The following TRIM66 variants were observed in gnomAD, a reference collection of about 807,000 sequenced individuals.
TRIM66 encodes the protein tripartite motif-containing protein 66.
TRIM66 carries 99 observed loss-of-function variants against 148.2 expected under a neutral mutation model. That is an observed-to-expected ratio of 0.67 (90% CI 0.57 to 0.79). TRIM66 has a LOEUF of 0.79. Ranked by LOEUF, TRIM66 falls within the 30% of genes least tolerant of loss-of-function variation. TRIM66 has a pLI of 0.00. For missense variants in TRIM66, 1,666 were observed against 1,697.9 expected, an observed-to-expected ratio of 0.98 and a Z score of 0.33; for synonymous variants, 616 against 635.9, an observed-to-expected ratio of 0.97 and a Z score of 0.47.
At chr11:8,638,944 A>G in intron 14 of TRIM66, 129 bp from the exon 15 acceptor site, 1 of 964,546 alleles carries the variant, frequency 1.0e-6, no homozygotes. Context: ...GGACTGCTTA[A>G]ACGTTTTCCA....
chr11:8,674,873 C>G lies in TRIM66; in HGVS notation c.-179G>C, dbSNP rs1349702352. The G allele has an allele frequency of 6.6e-6, 1 of 152,188 alleles. No homozygotes were observed. Among genetic ancestry groups the G allele is most frequent in the Non-Finnish European group, 1.5e-5 (1 of 68,038 alleles). 9.4% of individuals were successfully genotyped at this position (152,188 alleles called of 1,614,324 possible). ...TATATGAGGAAAATCCAGTCTCACACAGACATACAGCTGGAAAAGATAGGA... is the reference window on the plus strand; with the variant it reads ...TATATGAGGAAAATCCAGTCTCACAGAGACATACAGCTGGAAAAGATAGGA... On this transcript the variant is annotated 5_prime_UTR_variant, in exon 4 of 25. Transcript: ENST00000646038.
intron 4 of TRIM66, among the ~76,000 whole-genome samples, chr11:8,673,066 A>G (rs2039017227): frequency 1.3e-5 from 2 of 151,160 alleles, no homozygotes; most frequent in Non-Finnish European, 2.9e-5. Context: ...CAGCCTCCCG[A>G]GTAGCTGGGA....
chr11:8,621,556 G>C, intron 19 of TRIM66, 89 bp downstream of exon 19: 2 of 1,421,092 alleles, frequency 1.4e-6, no homozygotes, highest in Non-Finnish European at 1.9e-6. Context: ...ACTCAGGAAA[G>C]GTCCCAGAGT....
At position 8,620,384 on chromosome 11, in the gene TRIM66, C is replaced by T. The variant is rs1201536899; in HGVS notation, c.3672+62G>A. ...CTCATCCCCTCTCAAAGGCCTCAGA[C>T]CCTGTAGGCAGAAGGGGGCTGCCAA... is the stretch of plus-strand genomic sequence containing the variant. On this transcript the variant is annotated intron_variant, in intron 21 of 24. Transcript: ENST00000646038. The T allele has an allele frequency of 1.0e-5, 16 of 1,544,800 alleles. No individual in the cohort carries two copies. The South Asian group carries it at 1.7e-4, about 16-fold the overall frequency.
chr11:8,661,988 C>G (rs1019183088), intron 6 of TRIM66, among the ~76,000 whole-genome samples: 2 of 152,202 alleles, frequency 1.3e-5, no homozygotes, highest in Non-Finnish European at 2.9e-5. Flanking sequence ...GAATTGCTCT[C>G]CCAGTAATGG....
intron 11 of TRIM66, 24 bp from the exon 12 acceptor site, chr11:8,645,911 T>C: frequency 6.5e-7 from 1 of 1,549,672 alleles, no homozygotes; most frequent in Non-Finnish European, 8.7e-7. Flanking sequence ...GAAGACAGAG[T>C]CCTTGATCCT....
At chr11:8,678,417 T>C (rs915708669) in intron 3 of TRIM66, among the ~76,000 whole-genome samples, 1 of 152,230 alleles carries the variant, frequency 6.6e-6, no homozygotes, top group Non-Finnish European at 1.5e-5. Flanking sequence ...AGGATTTGTA[T>C]ACTATGATCA....
chr11:8,618,940 C>A lies in TRIM66; in HGVS notation c.3929G>T (p.Arg1310Leu). The A allele has an allele frequency of 8.4e-6, 13 of 1,551,374 alleles. No individual in the cohort carries two copies. Among genetic ancestry groups the A allele is most frequent in the Non-Finnish European group, 1.1e-5 (13 of 1,146,948 alleles). ...YPDSEVAEAGRCLEVFFEGWL... is the reference protein window; with the variant it reads ...YPDSEVAEAGLCLEVFFEGWL... ...GCCCTCAAAGAACACTTCCAGGCAG[C>A]GGCCAGCCTCTGCAACCTCGGAGTC... Residue 1310 changes from arginine (R) to leucine (L), a missense_variant, in exon 24 of 25, where the codon CGC (arginine) becomes CTC (leucine). By Grantham distance (102) the Arg-to-Leu change is moderately radical. Transcript: ENST00000646038.
chr11:8,650,209 C>T (rs2037235754), intron 7 of TRIM66, among the ~76,000 whole-genome samples: 2 of 151,932 alleles, frequency 1.3e-5, no homozygotes, highest in African/African-American at 4.8e-5. Context: ...CCCATCTCTA[C>T]AAAAAATACA....
intron 15 of TRIM66, among the ~76,000 whole-genome samples, chr11:8,629,713 G>T (rs1045232555): frequency 2.6e-5 from 4 of 152,156 alleles, no homozygotes; most frequent in Non-Finnish European, 5.9e-5. Flanking sequence ...ACCTGGTCCC[G>T]TAATGCCCAG....
intron 4 of TRIM66, among the ~76,000 whole-genome samples, chr11:8,673,858 T>G (rs2039058382): frequency 1.3e-5 from 2 of 152,344 alleles, no homozygotes; most frequent in South Asian, 4.1e-4. Flanking sequence ...TTGGTAATTA[T>G]GCAAGTTTGA....
chr11:8,620,308 C>T (rs2034082993), intron 21 of TRIM66, 138 bp downstream of exon 21: 2 of 1,415,164 alleles, frequency 1.4e-6, no homozygotes, highest in Non-Finnish European at 9.5e-7. Flanking sequence ...TCCAAACACC[C>T]CTGGGCCAAG....
In TRIM66 at chr11:8,624,453, T is replaced by C; in HGVS notation, c.2925A>G (p.Glu975=). 1.3e-6 allele frequency: 2 copies of C among 1,551,612 alleles called. No individual in the cohort carries two copies. Among genetic ancestry groups the C allele is most frequent in the Admixed American group, 3.9e-5 (2 of 51,002 alleles). The part of the protein sequence containing the change: ...DAPKDLAIPS[E]LEEPINLSVK... ...CAGAGAGGTTAATTGGCTCCTCCAG[T>C]TCTGAGGGGATGGCCAAGTCCTTGG... The change falls in exon 17 of 25, where the codon GAA becomes GAG. Residue 975 remains glutamate (E), a synonymous_variant. Transcript: ENST00000646038.
intron 15 of TRIM66, among the ~76,000 whole-genome samples, chr11:8,634,686 G>A (rs2035723205): frequency 6.6e-6 from 1 of 152,134 alleles, no homozygotes; most frequent in African/African-American, 2.4e-5. Context: ...TTCAAAAGGG[G>A]TTGCAGAGCT....
chr11:8,652,000 T>C (rs1245866458), intron 6 of TRIM66, 97 bp from the exon 7 acceptor site: 11 of 945,446 alleles, frequency 1.2e-5, no homozygotes, highest in African/African-American at 3.3e-5. Flanking sequence ...CCAAGATACA[T>C]GGCAATACCC....
intron 15 of TRIM66, among the ~76,000 whole-genome samples, chr11:8,630,998 T>A (rs1291088683): frequency 6.6e-6 from 1 of 152,184 alleles, no homozygotes; most frequent in Non-Finnish European, 1.5e-5. Context: ...CCCAGATGTG[T>A]TTCTAGAGTT....
chr11:8,645,535 A>C (rs1294009314), intron 12 of TRIM66, among the ~76,000 whole-genome samples: 3 of 152,216 alleles, frequency 2.0e-5, no homozygotes, highest in Admixed American at 6.5e-5. Flanking sequence ...TCCTCTTTGC[A>C]CTATGGGATT....
rs534635046 is a variant in TRIM66 at position 8,646,571 on chromosome 11, C to T, written c.843-10G>A. On this transcript the variant is annotated splice_polypyrimidine_tract_variant and intron_variant, in intron 10 of 24. Transcript: ENST00000646038. ...CTTCACTTCAAAAATCCTGTAAACA[C>T]AATGGGACAAACCATGGTAAGCTTT... The T allele has an allele frequency of 1.2e-4, 186 of 1,544,678 alleles. No individual in the cohort carries two copies. In the South Asian group the frequency reaches 1.9e-3, roughly 16 times the overall value.
At chr11:8,628,069 C>T (rs2035020786) in intron 15 of TRIM66, among the ~76,000 whole-genome samples, 1 of 152,142 alleles carries the variant, frequency 6.6e-6, no homozygotes, top group Non-Finnish European at 1.5e-5. Context: ...TAGGCTCAAG[C>T]CATCTTTCCA....
Sources: allele counts gnomAD v4.1 joint callset (sites outside exome capture counted in the v4.1 genomes callset), GRCh38; gene constraint gnomAD v4.1.1; transcripts MANE v1.5; gene names NCBI Gene and HGNC (gene_info 2026-07-23, HGNC 2026-07-21).